The following RIPOR2 variants were observed in gnomAD, a reference collection of about 807,000 sequenced individuals.
RIPOR2 encodes the protein rho family-interacting cell polarization regulator 2.
RIPOR2 carries 39 observed loss-of-function variants against 114.5 expected under a neutral mutation model. That is an observed-to-expected ratio of 0.34 (90% CI 0.26 to 0.44). The LOEUF (loss-of-function observed/expected upper bound fraction) is 0.44. RIPOR2 is among the 20% of genes least tolerant of loss of function. The probability of loss-of-function intolerance (pLI) is 1.00; values close to 1 mark genes in which losing one functional copy is unlikely to be tolerated. For synonymous variants in RIPOR2, 445 were observed against 484.4 expected, an observed-to-expected ratio of 0.92 and a Z score of 1.07; for missense variants, 1,007 against 1,255.1, an observed-to-expected ratio of 0.80 and a Z score of 2.99.
At chr6:24,878,026 C>A (rs1765972376) in intron 1 of RIPOR2, among the ~76,000 whole-genome samples, 1 of 152,080 alleles carries the variant, frequency 6.6e-6, no homozygotes, top group Admixed American at 6.6e-5. Flanking sequence ...ACCAGGGGAA[C>A]AAATGTGAAC....
At chr6:25,017,955 G>T (rs1381241031) in intron 1 of RIPOR2, among the ~76,000 whole-genome samples, 1 of 152,172 alleles carries the variant, frequency 6.6e-6, no homozygotes, top group Admixed American at 6.5e-5. Flanking sequence ...GTTAAAACAC[G>T]TTTCTGCTTA....
chr6:24,909,730 G>A (rs1769358560), intron 1 of RIPOR2, among the ~76,000 whole-genome samples: 1 of 152,138 alleles, frequency 6.6e-6, no homozygotes, highest in African/African-American at 2.4e-5. Flanking sequence ...GTGGGGAGCA[G>A]GGAGGAAACA....
chr6:25,041,775 G>T (rs145528010), intron 1 of RIPOR2: 34 of 674,314 alleles, frequency 5.0e-5, no homozygotes, highest in African/African-American at 4.6e-4. Context: ...ATTTGCAGAG[G>T]GCAAGAAATG....
At position 24,883,224 on chromosome 6, in the gene RIPOR2, A is replaced by G. The variant is rs1003308978; in HGVS notation, c.62-7407T>C. On this transcript the variant is annotated intron_variant, in intron 1 of 21. Transcript: ENST00000643898. The surrounding 1 kb of genome is among the most constrained non-coding windows in gnomAD (Gnocchi z 4.1). Reference sequence around the variant, plus strand: ...TATGAGACACATCTGTGATTTCTGAATGACATGAGTAAGGATATCTCAGTT... The same window carrying G: ...TATGAGACACATCTGTGATTTCTGAGTGACATGAGTAAGGATATCTCAGTT... Among the ~76,000 whole-genome samples the G allele has an allele frequency of 6.6e-6, 1 of 152,216 alleles. No homozygotes were observed. Among genetic ancestry groups the G allele is most frequent in the African/African-American group, 2.4e-5 (1 of 41,452 alleles).
chr6:24,921,208 G>C (rs1049550683), intron 1 of RIPOR2, among the ~76,000 whole-genome samples: 6 of 152,008 alleles, frequency 3.9e-5, no homozygotes, highest in African/African-American at 1.4e-4. Context: ...TGTCACCCAG[G>C]CTGGAGTGCA....
At chr6:24,920,370 C>T (rs982696317) in intron 1 of RIPOR2, among the ~76,000 whole-genome samples, 1 of 152,226 alleles carries the variant, frequency 6.6e-6, no homozygotes, top group African/African-American at 2.4e-5. Context: ...TTCCCTGATG[C>T]ATTCCCACAA....
intron 1 of RIPOR2, among the ~76,000 whole-genome samples, chr6:25,006,564 C>G (rs1162436475): frequency 6.6e-6 from 1 of 152,218 alleles, no homozygotes; most frequent in African/African-American, 2.4e-5. Flanking sequence ...TGAAAGGTGT[C>G]CTGGAACTCT....
chr6:24,978,622 C>G (rs1774171461), intron 1 of RIPOR2, among the ~76,000 whole-genome samples: 1 of 152,036 alleles, frequency 6.6e-6, no homozygotes, highest in African/African-American at 2.4e-5. Context: ...TTTTTGGTCA[C>G]TAATGCTTCA....
intron 1 of RIPOR2, chr6:25,024,242 GCT>G (rs1238268179): frequency 9.8e-6 from 15 of 1,531,438 alleles, no homozygotes; most frequent in Non-Finnish European, 1.4e-5. Flanking sequence ...CATACAGTGT[GCT>G]GGACTGGATG....
At chr6:24,990,154 A>T (rs192663023) in intron 1 of RIPOR2, among the ~76,000 whole-genome samples, 110 of 152,378 alleles carry the variant, frequency 7.2e-4, no homozygotes, top group African/African-American at 2.5e-3. Context: ...ACATTTTCTC[A>T]AATGAAAGAG....
chr6:24,980,770 C>T (rs186968142), intron 1 of RIPOR2, among the ~76,000 whole-genome samples: 5 of 152,292 alleles, frequency 3.3e-5, no homozygotes, highest in East Asian at 1.9e-4. Flanking sequence ...ATCTCCCTGC[C>T]GCCAAATCAT....
chr6:24,807,069 A>G (rs1271045641), intron 21 of RIPOR2, among the ~76,000 whole-genome samples: 1 of 152,254 alleles, frequency 6.6e-6, no homozygotes, highest in East Asian at 1.9e-4. Context: ...TCTACTTTAA[A>G]AAATGATTTA....
Position 24,840,042 on chromosome 6 carries a change from C to T in RIPOR2, c.1858-770G>A, listed in dbSNP as rs371592137. On this transcript the variant is annotated intron_variant, in intron 13 of 21. Coordinates refer to ENST00000643898, the MANE Select transcript of RIPOR2 (RefSeq NM_001286445.3). ...ACAGCTCACTGCAGCCTCAATCTCC[C>T]GGGCTTAAGCAATCCTCTCACCTTA... The T allele has an allele frequency of 1.0e-4, 85 of 824,252 alleles. No individual in the cohort carries two copies. In the South Asian group the frequency reaches 2.5e-3, roughly 24 times the overall value. The allele number at this position is 824,252 out of a possible 1,614,324, so 51.1% of individuals were successfully genotyped here. A position where few individuals can be genotyped will look rare whatever the true frequency, so the allele number is the denominator to read the frequency against.
Position 24,830,529 on chromosome 6 carries a change from T to C in RIPOR2, c.2486A>G (p.Tyr829Cys). The change falls in exon 17 of 22, where the codon TAT (tyrosine) becomes TGT (cysteine). Residue 829 changes from tyrosine (Y) to cysteine (C), a missense_variant. By Grantham distance (194) the Tyr-to-Cys change is radical (BLOSUM62 -2). Coordinates refer to ENST00000643898, the MANE Select transcript of RIPOR2 (RefSeq NM_001286445.3). ...CATACCTGGGTCTGCAAGTCCTGGA[T>C]ATTCTTTGTTGACAGTTCTGGCAAA... ...ASFARTVNKE[Y>C]PGLADPVFRT... 6.4e-7 allele frequency: 1 copy of C among 1,550,706 alleles called. No individual in the cohort carries two copies. Among genetic ancestry groups the C allele is most frequent in the South Asian group, 1.2e-5 (1 of 84,002 alleles).
intron 13 of RIPOR2, chr6:24,840,583 C>G: frequency 6.7e-7 from 1 of 1,486,126 alleles, no homozygotes; most frequent in Non-Finnish European, 8.9e-7. Context: ...AGTTAGGTGA[C>G]ACTCCTTGCT....
intron 17 of RIPOR2, among the ~76,000 whole-genome samples, chr6:24,830,046 A>G (rs576295377): frequency 6.6e-6 from 1 of 152,268 alleles, no homozygotes; most frequent in South Asian, 2.1e-4. Flanking sequence ...GCTCACTGCA[A>G]CCTCTGCCTC....
chr6:24,909,697 G>A (rs565696920), intron 1 of RIPOR2, among the ~76,000 whole-genome samples: 45 of 152,252 alleles, frequency 3.0e-4, no homozygotes, highest in Admixed American at 2.2e-3. Flanking sequence ...TCTACCAAGC[G>A]TGTGGACGTA....
At chr6:25,008,405 A>G (rs1775644259) in intron 1 of RIPOR2, among the ~76,000 whole-genome samples, 1 of 152,226 alleles carries the variant, frequency 6.6e-6, no homozygotes, top group Admixed American at 6.5e-5. Flanking sequence ...GGGGTCAGTC[A>G]GAGAAAGAGA....
At chr6:24,915,495 C>T (rs1043952677) in intron 1 of RIPOR2, among the ~76,000 whole-genome samples, 5 of 151,922 alleles carry the variant, frequency 3.3e-5, no homozygotes, top group Admixed American at 1.3e-4. Context: ...GCTGGGATTA[C>T]GTGGGATTAC....
Sources: allele counts gnomAD v4.1 joint callset (sites outside exome capture counted in the v4.1 genomes callset), GRCh38; gene constraint gnomAD v4.1.1; non-coding constraint Gnocchi (gnomAD v3.1); transcripts MANE v1.5; gene names NCBI Gene and HGNC (gene_info 2026-07-23, HGNC 2026-07-21).